Variants in GALNTL6 observed in about 807,000 individuals in gnomAD.
The protein encoded by GALNTL6 is polypeptide N-acetylgalactosaminyltransferase-like 6.
GALNTL6 carries 46 observed loss-of-function variants against 73.7 expected under a neutral mutation model. The ratio of observed to expected loss-of-function variants is 0.62; its 90% CI spans 0.49 to 0.80. The LOEUF is 0.80. GALNTL6 is among the 30% of genes least tolerant of loss of function. The pLI, the probability that GALNTL6 is intolerant of heterozygous loss-of-function variation, is 0.00. For synonymous variants in GALNTL6, 259 were observed against 263.7 expected, an observed-to-expected ratio of 0.98 and a Z score of 0.17; for missense variants, 604 against 755.0, an observed-to-expected ratio of 0.80 and a Z score of 2.34.
rs200137963 is a variant in GALNTL6, at chr4:172,333,478, A to G, written c.387-15045A>G. On this transcript the variant is annotated intron_variant, in intron 4 of 12. Coordinates refer to ENST00000506823, the MANE Select transcript of GALNTL6 (RefSeq NM_001034845.3). ...TGATGTCCTTTGCCCACATTTTAATATAATTATTTGTTTTTCTTTTTGTTG... is the reference window on the plus strand; with the variant it reads ...TGATGTCCTTTGCCCACATTTTAATGTAATTATTTGTTTTTCTTTTTGTTG... Among the ~76,000 whole-genome samples the G allele has an allele frequency of 7.3e-4, 111 of 152,250 alleles. 2 individuals carry two copies. The South Asian group carries it at 0.014, about 19-fold the overall frequency.
chr4:172,594,599 A>G (rs1186463248), intron 5 of GALNTL6, among the ~76,000 whole-genome samples: 7 of 152,202 alleles, frequency 4.6e-5, no homozygotes, highest in African/African-American at 1.4e-4. Context: ...TACTCTCGAC[A>G]TAAGTTCCAG....
intron 5 of GALNTL6, among the ~76,000 whole-genome samples, chr4:172,427,768 C>G (rs895269661): frequency 6.6e-6 from 1 of 151,978 alleles, no homozygotes; most frequent in Non-Finnish European, 1.5e-5. Flanking sequence ...ACTGTGACAC[C>G]GCTATGCATT....
chr4:172,858,601 G>T (rs1033364781), intron 7 of GALNTL6, among the ~76,000 whole-genome samples: 1 of 152,126 alleles, frequency 6.6e-6, no homozygotes, highest in Non-Finnish European at 1.5e-5. Context: ...AGGCCGAGGT[G>T]GGTGGATCAC....
intron 5 of GALNTL6, among the ~76,000 whole-genome samples, chr4:172,357,657 A>ACG (rs1383858498): frequency 8.6e-5 from 3 of 34,832 alleles, no homozygotes; most frequent in African/African-American, 2.0e-4. Context: ...ACACACACAC[A>ACG]CACACACACA....
intron 2 of GALNTL6, among the ~76,000 whole-genome samples, chr4:172,140,328 T>C (rs1298739980): frequency 4.6e-5 from 7 of 152,074 alleles, no homozygotes; most frequent in Non-Finnish European, 8.8e-5. Flanking sequence ...AACAGATATA[T>C]GGTATTTTGT....
rs190331637 is a variant in GALNTL6, at chr4:172,336,094, T to C, written c.387-12429T>C. Among the ~76,000 whole-genome samples the C allele has an allele frequency of 2.6e-5, 4 of 152,272 alleles. No individual in the cohort carries two copies. The East Asian group carries it at 7.7e-4, about 29-fold the overall frequency. On this transcript the variant is annotated intron_variant, in intron 4 of 12. Transcript: ENST00000506823. ...GACATAAGCCTTTAGTGCTATGAAC[T>C]TTCGTCTTAACACTGATTTTGCTGC...
At chr4:172,331,232 CAT>C (rs1319266683) in intron 4 of GALNTL6, among the ~76,000 whole-genome samples, 1 of 148,310 alleles carries the variant, frequency 6.7e-6, no homozygotes, top group Non-Finnish European at 1.5e-5. Context: ...ATATTACACA[CAT>C]ATTACAAAAT....
chr4:173,016,854 C>T (rs532222064), intron 11 of GALNTL6, among the ~76,000 whole-genome samples: 11 of 152,278 alleles, frequency 7.2e-5, no homozygotes, highest in African/African-American at 2.6e-4. Flanking sequence ...GCTGTGTCTC[C>T]ACCCAAATCT....
intron 9 of GALNTL6, among the ~76,000 whole-genome samples, chr4:172,936,339 C>T (rs1213116422): frequency 6.6e-6 from 1 of 152,092 alleles, no homozygotes; most frequent in Non-Finnish European, 1.5e-5. Flanking sequence ...AATGGGCAAA[C>T]GCTGGAAGCA....
At chr4:172,545,260 C>T (rs1323322837) in intron 5 of GALNTL6, among the ~76,000 whole-genome samples, 2 of 152,064 alleles carry the variant, frequency 1.3e-5, no homozygotes, top group Non-Finnish European at 2.9e-5. Context: ...TCAGAGTTCC[C>T]GAAGCTAGAA....
In GALNTL6 at chr4:172,170,014, A is replaced by G. The variant is rs886803831; in HGVS notation, c.139-59642A>G. Among the ~76,000 whole-genome samples, 7 of 152,336 alleles carry G rather than the reference A, an allele frequency of 4.6e-5. No homozygotes were observed. In the East Asian group the frequency reaches 1.4e-3, roughly 29 times the overall value. On this transcript the variant is annotated intron_variant, in intron 2 of 12. Transcript: ENST00000506823. ...TAAGTACCTCAACCAATATCACATTACTGTGAATGACAAAGCAGGACTTGG... is the reference window on the plus strand; with the variant it reads ...TAAGTACCTCAACCAATATCACATTGCTGTGAATGACAAAGCAGGACTTGG...
At chr4:172,699,979 T>C (rs1381690394) in intron 5 of GALNTL6, among the ~76,000 whole-genome samples, 2 of 152,088 alleles carry the variant, frequency 1.3e-5, no homozygotes, top group African/African-American at 4.8e-5. Context: ...GTGTAGCAGA[T>C]TACTGAGAAA....
At chr4:172,005,591 T>C (rs1455461677) in intron 2 of GALNTL6, among the ~76,000 whole-genome samples, 1 of 152,182 alleles carries the variant, frequency 6.6e-6, no homozygotes, top group Admixed American at 6.5e-5. Flanking sequence ...TACTATGATA[T>C]ATATCTACAT....
At chr4:171,927,371 T>A (rs1170577551) in intron 2 of GALNTL6, among the ~76,000 whole-genome samples, 33 of 152,134 alleles carry the variant, frequency 2.2e-4, no homozygotes, top group Admixed American at 2.2e-3. Flanking sequence ...GGAATTGTTT[T>A]GAATTTAAAA....
chr4:172,970,013 C>G (rs1460186457), intron 10 of GALNTL6, among the ~76,000 whole-genome samples: 1 of 152,052 alleles, frequency 6.6e-6, no homozygotes, highest in Non-Finnish European at 1.5e-5. Flanking sequence ...TCTGTGATGT[C>G]CCCCAAGCCA....
chr4:171,921,378 T>C (rs748325998), intron 2 of GALNTL6, among the ~76,000 whole-genome samples: 23 of 152,066 alleles, frequency 1.5e-4, no homozygotes, highest in Non-Finnish European at 1.3e-4. Flanking sequence ...CTTCTATCCG[T>C]CTATCTACCT....
At chr4:172,623,602 A>G (rs901608552) in intron 5 of GALNTL6, among the ~76,000 whole-genome samples, 2 of 152,268 alleles carry the variant, frequency 1.3e-5, no homozygotes, top group East Asian at 3.9e-4. Context: ...AATCTAGCCA[A>G]TCAATATCCT....
intron 3 of GALNTL6, among the ~76,000 whole-genome samples, chr4:172,247,693 C>T (rs1737710985): frequency 6.6e-6 from 1 of 152,128 alleles, no homozygotes; most frequent in African/African-American, 2.4e-5. Flanking sequence ...TGAGTTAAGT[C>T]TCACCAGTAG....
intron 5 of GALNTL6, among the ~76,000 whole-genome samples, chr4:172,494,384 C>CT (rs1733999755): frequency 6.6e-6 from 1 of 152,166 alleles, no homozygotes; most frequent in East Asian, 1.9e-4. Flanking sequence ...ATGACATTTT[C>CT]TTTTGAGAAC....
Sources: gnomAD v4.1 joint callset for allele counts (sites outside exome capture counted in the v4.1 genomes callset) on GRCh38, gnomAD v4.1.1 for gene constraint, MANE v1.5 for transcripts, NCBI Gene and HGNC (gene_info 2026-07-23, HGNC 2026-07-21) for gene names.